EYS: variants seen among roughly 807,000 people sequenced by gnomAD.
EYS encodes the protein protein eyes shut homolog.
A neutral mutation model predicts 282.1 loss-of-function variants in EYS; 250 were observed. The observed-to-expected ratio is 0.89, with a 90% CI of 0.80 to 0.98. EYS has a LOEUF of 0.98. Ranked by LOEUF, EYS falls within the 50% of genes least tolerant of loss-of-function variation. The pLI, the probability that EYS is intolerant of heterozygous loss-of-function variation, is 0.00. For missense variants in EYS, 4,016 were observed against 3,709.0 expected (o/e 1.08, Z -2.15); for synonymous variants, 1,355 against 1,282.9 (o/e 1.06, Z -1.20).
intron 7 of EYS, among the ~76,000 whole-genome samples, chr6:65,399,683 A>C (rs1766419546): frequency 6.6e-6 from 1 of 152,064 alleles, no homozygotes; most frequent in Non-Finnish European, 1.5e-5. Context: ...TGGTTTGTAA[A>C]GAAGTTCAGT....
chr6:65,581,000 C>T (rs190363117), intron 2 of EYS, among the ~76,000 whole-genome samples: 97 of 152,112 alleles, frequency 6.4e-4, no homozygotes, highest in African/African-American at 2.3e-3. Flanking sequence ...TATTCAATTG[C>T]AATGAGTAAT....
At chr6:64,604,011 T>C (rs1432837076) in intron 24 of EYS, among the ~76,000 whole-genome samples, 1 of 151,916 alleles carries the variant, frequency 6.6e-6, no homozygotes, top group African/African-American at 2.4e-5. Flanking sequence ...ACAACAGGAA[T>C]TCTCATTCCC....
At chr6:65,415,196 G>A (rs1472275696) in intron 5 of EYS, among the ~76,000 whole-genome samples, 1 of 152,016 alleles carries the variant, frequency 6.6e-6, no homozygotes. Context: ...AAGAGGAAAT[G>A]AGAAGAATAA....
At chr6:64,778,108 T>C (rs572770787) in intron 22 of EYS, among the ~76,000 whole-genome samples, 1 of 152,214 alleles carries the variant, frequency 6.6e-6, no homozygotes, top group African/African-American at 2.4e-5. Context: ...GAATCCAGAA[T>C]GTGTTTACAT....
intron 12 of EYS, among the ~76,000 whole-genome samples, chr6:65,154,590 C>A (rs1764690154): frequency 6.6e-6 from 1 of 151,500 alleles, no homozygotes; most frequent in South Asian, 2.1e-4. Context: ...TATATCTCTT[C>A]TAAACTGTAA....
chr6:63,878,052 T>C (rs746026050), intron 35 of EYS, among the ~76,000 whole-genome samples: 3 of 152,228 alleles, frequency 2.0e-5, no homozygotes, highest in Non-Finnish European at 4.4e-5. Flanking sequence ...GAAGAGGCAC[T>C]CTGACTTTTA....
At chr6:64,199,364 A>C (rs1487943962) in intron 31 of EYS, among the ~76,000 whole-genome samples, 2 of 152,120 alleles carry the variant, frequency 1.3e-5, no homozygotes, top group Non-Finnish European at 1.5e-5. Flanking sequence ...TGGTGTTGGG[A>C]AAACTGGCTA....
intron 41 of EYS, among the ~76,000 whole-genome samples, chr6:63,748,510 TAAG>T (rs1562007642): frequency 6.6e-6 from 1 of 152,210 alleles, no homozygotes; most frequent in Non-Finnish European, 1.5e-5. Context: ...TAGAATGAGT[TAAG>T]GAGGAGTCCC....
At chr6:65,230,189 G>A (rs145932033) in intron 12 of EYS, among the ~76,000 whole-genome samples, 1 of 151,832 alleles carries the variant, frequency 6.6e-6, no homozygotes, top group Non-Finnish European at 1.5e-5. Flanking sequence ...GATAAATTAA[G>A]TGATCAAATC....
intron 24 of EYS, among the ~76,000 whole-genome samples, chr6:64,613,493 C>G (rs762819780): frequency 2.6e-5 from 4 of 152,116 alleles, no homozygotes; most frequent in Non-Finnish European, 5.9e-5. Flanking sequence ...TAAAAATCAA[C>G]TCTTCTTAGA....
intron 14 of EYS, among the ~76,000 whole-genome samples, chr6:64,964,444 T>C (rs995220132): frequency 1.3e-5 from 2 of 152,180 alleles, no homozygotes; most frequent in Admixed American, 6.5e-5. Flanking sequence ...CTATAATGTG[T>C]CAATTTAAAA....
intron 35 of EYS, among the ~76,000 whole-genome samples, chr6:63,961,691 C>A (rs1326139829): frequency 6.6e-6 from 1 of 152,132 alleles, no homozygotes; most frequent in Non-Finnish European, 1.5e-5. Context: ...CCCCTCAAGT[C>A]TCTTTTATAG....
chr6:63,827,113 A>C (rs1248173057), intron 36 of EYS, among the ~76,000 whole-genome samples: 1 of 152,226 alleles, frequency 6.6e-6, no homozygotes, highest in African/African-American at 2.4e-5. Context: ...AAAAGCGAGC[A>C]GGGGTAGCTA....
At chr6:65,220,117 T>A (rs1291776526) in intron 12 of EYS, among the ~76,000 whole-genome samples, 1 of 152,200 alleles carries the variant, frequency 6.6e-6, no homozygotes, top group Non-Finnish European at 1.5e-5. Context: ...GCAAAACTAT[T>A]TTTTTAAACT....
chr6:64,040,143 A>G, intron 33 of EYS, among the ~76,000 whole-genome samples: 1 of 152,224 alleles, frequency 6.6e-6, no homozygotes, highest in East Asian at 1.9e-4. Flanking sequence ...TCCTTTTAAA[A>G]TAATTCTTAT....
intron 37 of EYS, 34 bp from the exon 38 acceptor site, chr6:63,789,258 G>C: frequency 6.5e-7 from 1 of 1,538,904 alleles, no homozygotes; most frequent in Non-Finnish European, 8.8e-7. Context: ...AATGCTCACT[G>C]AGAGGAAATT....
At chr6:64,390,368 G>T (rs1044588954) in intron 28 of EYS, among the ~76,000 whole-genome samples, 33 of 152,228 alleles carry the variant, frequency 2.2e-4, no homozygotes, top group Admixed American at 5.9e-4. Context: ...AGACTTAAAT[G>T]TCCCTGTCTG....
chr6:65,121,807 AG>A lies in EYS; in HGVS notation c.2024-64081del, dbSNP rs551629973. Among the ~76,000 whole-genome samples, 4 of 152,298 alleles carry A rather than the reference AG, an allele frequency of 2.6e-5. No homozygotes were observed. The South Asian group carries it at 8.3e-4, about 32-fold the overall frequency. ...TTCAGGTTAGGCTATAGTATCTCAA[AG>A]CCCCTAGGTAAAATTTAAAGCAGAA... On this transcript the variant is annotated intron_variant, in intron 12 of 42. Transcript: ENST00000503581.
chr6:64,690,748 A>T (rs1273256365), intron 22 of EYS, among the ~76,000 whole-genome samples: 1 of 152,028 alleles, frequency 6.6e-6, no homozygotes, highest in Admixed American at 6.6e-5. Flanking sequence ...CAAACACCGC[A>T]TGTTCACACT....
Sources: allele counts gnomAD v4.1 joint callset (sites outside exome capture counted in the v4.1 genomes callset), GRCh38; gene constraint gnomAD v4.1.1; transcripts MANE v1.5; gene names NCBI Gene and HGNC (gene_info 2026-07-23, HGNC 2026-07-21).